CFAP61: variants seen among roughly 807,000 people sequenced by gnomAD.
CFAP61 encodes cilia- and flagella-associated protein 61.
In CFAP61, 107 loss-of-function variants were observed where a neutral mutation model predicts 135.6. The ratio of observed to expected loss-of-function variants is 0.79; its 90% CI spans 0.67 to 0.93. The LOEUF (loss-of-function observed/expected upper bound fraction) is 0.93. Ranked by LOEUF, CFAP61 falls within the 40% of genes least tolerant of loss-of-function variation. The probability of loss-of-function intolerance (pLI) is 0.00; values close to 1 mark genes in which losing one functional copy is unlikely to be tolerated. For missense variants in CFAP61, 1,507 were observed against 1,556.2 expected, an observed-to-expected ratio of 0.97 and a Z score of 0.53; for synonymous variants, 575 against 578.5, an observed-to-expected ratio of 0.99 and a Z score of 0.09.
At position 20,251,748 on chromosome 20, in the gene CFAP61, C is replaced by A. The variant is rs761712376; in HGVS notation, c.2313C>A (p.Thr771=). The A allele has an allele frequency of 6.2e-7, 1 of 1,613,662 alleles. No individual in the cohort carries two copies. The highest frequency in any genetic ancestry group is 8.5e-7 in the Non-Finnish European group (1 of 1,180,026). The change falls in exon 20 of 27, where the codon ACC becomes ACA. Residue 771 remains threonine (T), a synonymous_variant. Transcript: ENST00000245957. ...CCTACGACCACCTCATCCTCTGCAC[C>A]GGGCAGCAGTACCAGGTAAGGCCGG... is the stretch of plus-strand genomic sequence containing the variant. ...IVPYDHLILC[T]GQQYQVPCPT...
intron 2 of CFAP61, among the ~76,000 whole-genome samples, chr20:20,057,315 C>T (rs2044437177): frequency 6.6e-6 from 1 of 152,146 alleles, no homozygotes; most frequent in Non-Finnish European, 1.5e-5. Context: ...AAAGGTTTCT[C>T]ATGGGCTTTG....
At chr20:20,154,953 G>A (rs1402918857) in intron 9 of CFAP61, among the ~76,000 whole-genome samples, 5 of 152,048 alleles carry the variant, frequency 3.3e-5, no homozygotes, top group Non-Finnish European at 7.4e-5. Context: ...CCATAAAAGA[G>A]CCTGCATAGC....
At chr20:20,139,731 C>T (rs1455795978) in intron 8 of CFAP61, among the ~76,000 whole-genome samples, 2 of 152,142 alleles carry the variant, frequency 1.3e-5, no homozygotes, top group East Asian at 1.9e-4. Flanking sequence ...CAACACCTCA[C>T]GACAGTTTAG....
intron 21 of CFAP61, among the ~76,000 whole-genome samples, chr20:20,270,041 A>G (rs2053223639): frequency 6.6e-6 from 1 of 152,238 alleles, no homozygotes; most frequent in Non-Finnish European, 1.5e-5. Context: ...AAGCAGAAAA[A>G]GGAAACATAA....
intron 22 of CFAP61, among the ~76,000 whole-genome samples, chr20:20,281,780 AT>A (rs1296070761): frequency 6.6e-6 from 1 of 152,230 alleles, no homozygotes; most frequent in Non-Finnish European, 1.5e-5. Flanking sequence ...TTATAAAAAA[AT>A]TCGGGCAATG....
chr20:20,139,770 C>T (rs926724), intron 8 of CFAP61, among the ~76,000 whole-genome samples: 137,246 of 152,226 alleles, frequency 0.9, 62,684 homozygotes, highest in Middle Eastern at 0.99. Context: ...TAGTTGGTAA[C>T]TGTCTCATGA....
At chr20:20,219,230 C>T (rs772825077) in intron 17 of CFAP61, among the ~76,000 whole-genome samples, 17 of 152,184 alleles carry the variant, frequency 1.1e-4, no homozygotes, top group Non-Finnish European at 2.1e-4. Flanking sequence ...AGGTTGGATG[C>T]TGCCCAGTTC....
intron 18 of CFAP61, among the ~76,000 whole-genome samples, chr20:20,238,485 A>G (rs1440089830): frequency 6.6e-6 from 1 of 152,244 alleles, no homozygotes; most frequent in Non-Finnish European, 1.5e-5. Context: ...TACATTATCT[A>G]TTTGTTCAAA....
chr20:20,323,082 C>A (rs1023195760), intron 25 of CFAP61: 17 of 985,312 alleles, frequency 1.7e-5, no homozygotes, highest in Non-Finnish European at 1.9e-5. Context: ...TGCCCTGGGG[C>A]CTAGCCCCAT....
intron 8 of CFAP61, among the ~76,000 whole-genome samples, chr20:20,115,381 A>ATCAG (rs1377920264): frequency 6.6e-6 from 1 of 151,570 alleles, no homozygotes; most frequent in East Asian, 1.9e-4. Context: ...TAAAGATCAA[A>ATCAG]TCAGTGTAAT....
chr20:20,246,868 G>A lies in CFAP61; in HGVS notation c.2159+653G>A, dbSNP rs531851557. On this transcript the variant is annotated intron_variant, in intron 19 of 26. Transcript: ENST00000245957. ...GATTCATTTTAGATTCCATGATGAA[G>A]GGACCCTCTTTCCTCTGTGAAAAAG... is the stretch of plus-strand genomic sequence containing the variant. Among the ~76,000 whole-genome samples, 7 of 152,294 alleles carry A rather than the reference G, an allele frequency of 4.6e-5. No individual in the cohort carries two copies. In the South Asian group the frequency reaches 1.5e-3, roughly 32 times the overall value.
intron 13 of CFAP61, among the ~76,000 whole-genome samples, chr20:20,181,729 A>G (rs889421457): frequency 2.0e-5 from 3 of 152,162 alleles, no homozygotes; most frequent in African/African-American, 7.2e-5. Flanking sequence ...AAACATAGCT[A>G]ATCTCCCTCA....
chr20:20,228,572 G>A (rs928383287), intron 18 of CFAP61, 196 bp downstream of exon 18: 5 of 452,296 alleles, frequency 1.1e-5, no homozygotes, highest in Non-Finnish European at 1.6e-5. Context: ...GGCCAGGCCT[G>A]GCTTGCCAAC....
chr20:20,147,011 A>G (rs764438878), intron 9 of CFAP61, among the ~76,000 whole-genome samples: 29 of 152,194 alleles, frequency 1.9e-4, no homozygotes, highest in Non-Finnish European at 3.4e-4. Flanking sequence ...TTGCTTTTCC[A>G]TACCTGAGTT....
At position 20,247,233 on chromosome 20, in the gene CFAP61, G is replaced by A. The variant is rs185049586; in HGVS notation, c.2159+1018G>A. ...CCATTTCCCTCTTTCTAAATTACAC[G>A]ATTCCCAGGAAATGCTGGTTTTATT... is the stretch of plus-strand genomic sequence containing the variant. On this transcript the variant is annotated intron_variant, in intron 19 of 26. Coordinates refer to ENST00000245957, the MANE Select transcript of CFAP61 (RefSeq NM_015585.4). Among the ~76,000 whole-genome samples the A allele has an allele frequency of 2.7e-3, 407 of 152,274 alleles. 2 individuals are homozygous for A. Among genetic ancestry groups the A allele is most frequent in the Admixed American group, 0.01 (154 of 15,302 alleles).
At chr20:20,095,520 C>T (rs2047503882) in intron 7 of CFAP61, 1 of 152,296 alleles carries the variant, frequency 6.6e-6, no homozygotes, top group Non-Finnish European at 1.5e-5. Context: ...GGCTTGATAG[C>T]TAGTTTGGAG....
intron 21 of CFAP61, among the ~76,000 whole-genome samples, chr20:20,271,510 C>T (rs867578970): frequency 3.8e-4 from 58 of 152,214 alleles, no homozygotes; most frequent in African/African-American, 1.2e-3. Context: ...GTTTCAAAGG[C>T]TGCCACTGGT....
chr20:20,068,720 T>C (rs2045494390), intron 2 of CFAP61, among the ~76,000 whole-genome samples: 2 of 152,200 alleles, frequency 1.3e-5, no homozygotes, highest in South Asian at 4.1e-4. Flanking sequence ...ATTTTTTGTT[T>C]TAAATGTTAC....
At chr20:20,313,666 G>A (rs1200653672) in intron 25 of CFAP61, among the ~76,000 whole-genome samples, 1 of 152,194 alleles carries the variant, frequency 6.6e-6, no homozygotes, top group Non-Finnish European at 1.5e-5. Flanking sequence ...AGTAACATGA[G>A]TGAAAATGAG....
Sources: allele counts gnomAD v4.1 joint callset (sites outside exome capture counted in the v4.1 genomes callset), GRCh38; gene constraint gnomAD v4.1.1; transcripts MANE v1.5; gene names NCBI Gene and HGNC (gene_info 2026-07-23, HGNC 2026-07-21).